PACS2: variants seen among roughly 807,000 people sequenced by gnomAD.
PACS2 encodes phosphofurin acidic cluster sorting protein 2.
In PACS2, 36 loss-of-function variants were observed where a neutral mutation model predicts 113.0. The observed-to-expected ratio is 0.32, with a 90% CI of 0.24 to 0.42. The LOEUF is 0.42. Among genes scored for constraint, PACS2 ranks in the 10% least tolerant of loss-of-function variants. The pLI is 1.00. For synonymous variants in PACS2, 589 were observed against 536.1 expected, an observed-to-expected ratio of 1.10 and a Z score of -1.36; for missense variants, 1,015 against 1,239.5, an observed-to-expected ratio of 0.82 and a Z score of 2.72.
chr14:105,387,291 T>A (rs1440381026), intron 19 of PACS2, among the ~76,000 whole-genome samples: 3 of 152,222 alleles, frequency 2.0e-5, no homozygotes, highest in Non-Finnish European at 4.4e-5. Flanking sequence ...GTGAGGTGAC[T>A]CCTGCTGGCC....
At chr14:105,392,480 C>A (rs1213484830) in intron 22 of PACS2, 139 bp from the exon 23 acceptor site, 1 of 698,332 alleles carries the variant, frequency 1.4e-6, no homozygotes, top group African/African-American at 1.8e-5. Flanking sequence ...ACAGAGCATG[C>A]TCCAAGCACC....
chr14:105,341,255 A>G (rs781993300), intron 1 of PACS2, among the ~76,000 whole-genome samples: 19 of 152,236 alleles, frequency 1.2e-4, no homozygotes, highest in Non-Finnish European at 2.8e-4. Flanking sequence ...TCTCTGTCAG[A>G]AAACAAAACA....
At chr14:105,313,042 CAG>C (rs1439084744), upstream of PACS2, among the ~76,000 whole-genome samples, 1 of 152,202 alleles carries the variant, frequency 6.6e-6, no homozygotes, top group Non-Finnish European at 1.5e-5. Flanking sequence ...GTGCCTGGCA[CAG>C]AGGAGGGGCA....
rs1258370320 is a variant in PACS2, at chr14:105,356,552, G to C, written c.423+1375G>C. Among the ~76,000 whole-genome samples the C allele has an allele frequency of 6.6e-6, 1 of 152,200 alleles. No homozygotes were observed. Among genetic ancestry groups the C allele is most frequent in the Non-Finnish European group, 1.5e-5 (1 of 68,030 alleles). ...GCGATGGGTGAACAGGTAGCTCAGG[G>C]ATGCTCTCTGGGCTGTGAGAGCCTC... is the stretch of plus-strand genomic sequence containing the variant. On this transcript the variant is annotated intron_variant, in intron 4 of 24. Transcript: ENST00000447393. This position sits in a 1 kb window ranked among gnomAD's most constrained non-coding sequence, Gnocchi z 4.0.
rs1329088846 is a variant in PACS2 at position 105,391,225 on chromosome 14, G to A, written c.2095G>A (p.Val699Met). The A allele has an allele frequency of 2.5e-6, 4 of 1,613,384 alleles. No homozygotes were observed. Among genetic ancestry groups the A allele is most frequent in the Non-Finnish European group, 3.4e-6 (4 of 1,179,538 alleles). ...PFVGVVKVGI[V>M]EPSSATSGDS... Reference sequence around the variant, plus strand: ...TTTCTAGGTTGTGAAGGTTGGAATTGTGGAGCCATCCTCGGCCACATCAGG... The same window carrying A: ...TTTCTAGGTTGTGAAGGTTGGAATTATGGAGCCATCCTCGGCCACATCAGG... The change falls in exon 21 of 25, where the codon GTG (valine) becomes ATG (methionine). Residue 699 changes from valine (V) to methionine (M), a missense_variant. Around this residue, in one of 3 missense-constraint regions of PACS2, gnomAD observed 859 missense variants for 1,056.8 expected, o/e 0.81. Transcript: ENST00000447393.
At position 105,354,646 on chromosome 14, in the gene PACS2, C is replaced by T. The variant is rs1040885027; in HGVS notation, c.298-406C>T. On this transcript the variant is annotated intron_variant, in intron 3 of 24. Coordinates refer to ENST00000447393, the MANE Select transcript of PACS2 (RefSeq NM_001100913.3). The surrounding 1 kb of genome is among the most constrained non-coding windows in gnomAD (Gnocchi z 4.2). ...GGCCTCGGAGGGAGAGCCCTCCCCG[C>T]CCTGTGTGCCCCTCGCGGAAAAGCG... Among the ~76,000 whole-genome samples, 1 of 152,240 alleles carries T rather than the reference C, an allele frequency of 6.6e-6. No homozygotes were observed. Among genetic ancestry groups the T allele is most frequent in the Non-Finnish European group, 1.5e-5 (1 of 68,038 alleles).
chr14:105,307,848 G>A (rs779162208), intron 1 of PACS2, among the ~76,000 whole-genome samples: 17 of 152,204 alleles, frequency 1.1e-4, no homozygotes, highest in Non-Finnish European at 2.4e-4. Context: ...TCCGCAACTC[G>A]AGTGAGACTT....
chr14:105,384,218 G>A (rs1555412927), intron 16 of PACS2, 135 bp from the exon 17 acceptor site: 14 of 603,798 alleles, frequency 2.3e-5, no homozygotes, highest in Non-Finnish European at 3.2e-5. Flanking sequence ...TTTCTCTTTC[G>A]GTGGCAGGAA....
At chr14:105,345,852 G>C (rs955458617) in intron 1 of PACS2, among the ~76,000 whole-genome samples, 1 of 152,166 alleles carries the variant, frequency 6.6e-6, no homozygotes, top group Non-Finnish European at 1.5e-5. Flanking sequence ...GTGGGAATCC[G>C]GGCAGCCCCA....
Position 105,352,384 on chromosome 14 carries a change from A to C in PACS2, c.214A>C (p.Lys72Gln). The change falls in exon 3 of 25, where the codon AAA (lysine) becomes CAA (glutamine). Residue 72 changes from lysine (K) to glutamine (Q), a missense_variant. Physicochemically the swap from Lys to Gln is moderately conservative, Grantham distance 53. This residue lies in a region of PACS2 where 140 missense variants were observed against 135.1 expected (regional missense o/e 1.04). Coordinates refer to ENST00000447393, the MANE Select transcript of PACS2 (RefSeq NM_001100913.3). Reference protein sequence around the residue: ...VVIAVKMQGSKRILRSHEIVL... With the variant: ...VVIAVKMQGSQRILRSHEIVL... The stretch of plus-strand genomic sequence containing the variant: ...AGGTCTTGCTTAATCACAGGGCTCC[A>C]AACGAATCCTGCGGTCCCATGAGAT... The C allele has an allele frequency of 6.2e-7, 1 of 1,611,006 alleles. No individual in the cohort carries two copies. The highest frequency in any genetic ancestry group is 8.5e-7 in the Non-Finnish European group (1 of 1,177,376).
At chr14:105,370,099 T>G in intron 8 of PACS2, 199 bp downstream of exon 8, 2 of 555,754 alleles carry the variant, frequency 3.6e-6, no homozygotes, top group Non-Finnish European at 3.2e-6. Flanking sequence ...GCTGGGTCTC[T>G]GCTGAAGTAG....
At chr14:105,380,033 G>T in intron 10 of PACS2, 47 bp from the exon 11 acceptor site, 1 of 1,513,150 alleles carries the variant, frequency 6.6e-7, no homozygotes, top group Non-Finnish European at 9.0e-7. Context: ...TCAGCGCCTT[G>T]GCACCTGCAG....
intron 1 of PACS2, among the ~76,000 whole-genome samples, chr14:105,318,539 C>T (rs1280382986): frequency 3.9e-5 from 6 of 152,194 alleles, no homozygotes; most frequent in East Asian, 1.9e-4. Context: ...CTGCAACCTC[C>T]GCCTCCCTGT....
upstream of PACS2, among the ~76,000 whole-genome samples, chr14:105,314,110 G>A (rs1595534095): frequency 6.6e-6 from 1 of 152,298 alleles, no homozygotes; most frequent in South Asian, 2.1e-4. Context: ...GAGTGGCTTC[G>A]AGTCCCCGCG....
intron 1 of PACS2, among the ~76,000 whole-genome samples, chr14:105,304,343 G>A (rs2058117470): frequency 6.6e-6 from 1 of 152,026 alleles, no homozygotes; most frequent in South Asian, 2.1e-4. Context: ...ACAAAAATTA[G>A]CAGGTGTGAT....
At position 105,391,677 on chromosome 14, in the gene PACS2, C is replaced by T; in HGVS notation, c.2166C>T (p.Ser722=). Residue 722 remains serine (S), a synonymous_variant, in exon 22 of 25, where the codon TCC becomes TCT. Transcript: ENST00000447393. ...CCTCGGGCTCTGGCACGCTCTCCTC[C>T]ACCCCGCCGTCCGCATCTCCTGCGG... ...AAPSGSGTLS[S]TPPSASPAAK... is the part of the protein sequence containing the mutation. The T allele has an allele frequency of 1.6e-5, 25 of 1,609,580 alleles. No individual in the cohort carries two copies. Among genetic ancestry groups the T allele is most frequent in the Non-Finnish European group, 2.1e-5 (25 of 1,178,848 alleles).
rs1555413231 is a variant in PACS2 at position 105,384,970 on chromosome 14, G to A, written c.1983G>A (p.Leu661=). 1 of 1,584,144 alleles carries A rather than the reference G, an allele frequency of 6.3e-7. No individual in the cohort carries two copies. Among genetic ancestry groups the A allele is most frequent in the Admixed American group, 1.8e-5 (1 of 56,554 alleles). The change falls in exon 18 of 25, where the codon CTG becomes CTA. Residue 661 remains leucine (L), a synonymous_variant. Transcript: ENST00000447393. ...AGCTCCCCATCGCAGAGGCCATGCT[G>A]ACCTACAAGCAGAAGAGGTAACGCG... The part of the protein sequence containing the change: ...AHQLPIAEAM[L]TYKQKRKKHF...
intron 1 of PACS2, among the ~76,000 whole-genome samples, chr14:105,327,998 C>T (rs1177114536): frequency 1.3e-5 from 2 of 152,248 alleles, no homozygotes; most frequent in African/African-American, 2.4e-5. Flanking sequence ...CCGGCCCAGG[C>T]CACCCGAGGT....
At chr14:105,327,848 C>T (rs1055136889) in intron 1 of PACS2, among the ~76,000 whole-genome samples, 18 of 152,100 alleles carry the variant, frequency 1.2e-4, no homozygotes, top group African/African-American at 3.9e-4. Flanking sequence ...CTTGGCTCAC[C>T]GGCCCAGGCC....
Sources: allele counts gnomAD v4.1 joint callset (sites outside exome capture counted in the v4.1 genomes callset), GRCh38; gene constraint gnomAD v4.1.1; regional missense constraint gnomAD v4.1.1; non-coding constraint Gnocchi (gnomAD v3.1); transcripts MANE v1.5; gene names NCBI Gene and HGNC (gene_info 2026-07-23, HGNC 2026-07-21).